The following ATRNL1 variants were observed in gnomAD, a reference collection of about 807,000 sequenced individuals.
ATRNL1 encodes the protein attractin-like protein 1.
A neutral mutation model predicts 182.7 loss-of-function variants in ATRNL1; 95 were observed. The observed-to-expected ratio is 0.52, with a 90% confidence interval of 0.44 to 0.62. The LOEUF is 0.62. ATRNL1 is among the 20% of genes least tolerant of loss of function. The probability of loss-of-function intolerance (pLI) is 0.00; values close to 1 mark genes in which losing one functional copy is unlikely to be tolerated. For missense variants in ATRNL1, 1,471 were observed against 1,679.5 expected (o/e 0.88, Z 2.17); for synonymous variants, 576 against 568.3 (o/e 1.01, Z -0.19).
chr10:115,852,550 T>C (rs2134368552), intron 28 of ATRNL1, among the ~76,000 whole-genome samples: 1 of 152,264 alleles, frequency 6.6e-6, no homozygotes, highest in East Asian at 1.9e-4. Flanking sequence ...TTTTACTATT[T>C]AGAAAACCAA....
At chr10:115,187,340 G>C (rs1287462396) in intron 8 of ATRNL1, among the ~76,000 whole-genome samples, 1 of 152,176 alleles carries the variant, frequency 6.6e-6, no homozygotes, top group South Asian at 2.1e-4. Context: ...CATCTAAAAA[G>C]AGGGATGGAT....
intron 10 of ATRNL1, among the ~76,000 whole-genome samples, chr10:115,258,441 C>T (rs1454961183): frequency 6.6e-6 from 1 of 152,004 alleles, no homozygotes; most frequent in East Asian, 1.9e-4. Context: ...TGAAGTTCTC[C>T]TGTCATGGTT....
intron 8 of ATRNL1, among the ~76,000 whole-genome samples, chr10:115,194,878 C>T (rs1282753986): frequency 6.7e-6 from 1 of 148,680 alleles, no homozygotes. Flanking sequence ...TTGTGGTTAC[C>T]ATGAGGTTTG....
chr10:115,449,503 G>A (rs550229610), intron 21 of ATRNL1, among the ~76,000 whole-genome samples: 38 of 152,248 alleles, frequency 2.5e-4, no homozygotes, highest in Middle Eastern at 3.4e-3. Context: ...AGGAGCCATG[G>A]GTATGGACAC....
chr10:115,458,646 A>G (rs782735903), intron 21 of ATRNL1, among the ~76,000 whole-genome samples: 2 of 152,106 alleles, frequency 1.3e-5, no homozygotes, highest in Non-Finnish European at 2.9e-5. Flanking sequence ...ATAGACAGAA[A>G]AATGTCTGTA....
At chr10:115,292,017 A>T (rs978392004) in intron 15 of ATRNL1, among the ~76,000 whole-genome samples, 1 of 152,022 alleles carries the variant, frequency 6.6e-6, no homozygotes, top group Admixed American at 6.5e-5. Flanking sequence ...GAGACTTTTC[A>T]TCATTCATTC....
chr10:115,764,863 G>A (rs1276684504), intron 27 of ATRNL1, among the ~76,000 whole-genome samples: 9 of 152,046 alleles, frequency 5.9e-5, no homozygotes, highest in African/African-American at 9.7e-5. Context: ...TAGTAGAGAC[G>A]GGGTTTCGCC....
At chr10:115,284,740 T>C (rs1022773664) in intron 14 of ATRNL1, among the ~76,000 whole-genome samples, 1 of 152,166 alleles carries the variant, frequency 6.6e-6, no homozygotes, top group Non-Finnish European at 1.5e-5. Flanking sequence ...GCTATTCCAA[T>C]AGACTGAATG....
intron 5 of ATRNL1, among the ~76,000 whole-genome samples, chr10:115,133,369 G>T (rs1330413754): frequency 6.6e-6 from 1 of 151,772 alleles, no homozygotes; most frequent in African/African-American, 2.4e-5. Context: ...GTAGCAAATG[G>T]AAAACAAAAA....
chr10:115,452,002 C>T (rs1361668288), intron 21 of ATRNL1, among the ~76,000 whole-genome samples: 1 of 152,084 alleles, frequency 6.6e-6, no homozygotes, highest in Non-Finnish European at 1.5e-5. Flanking sequence ...CAAACCAATG[C>T]AGGTACAGAA....
Position 115,445,505 on chromosome 10 carries a change from CCGTG to C in ATRNL1, c.3323-16435_3323-16432del, listed in dbSNP as rs1332269813. ...CCTACTCTGTAAATAACTCATTTGTCCGTGTGTGTGTGTGTGTGTGTGTGTGTGT... is the reference window on the plus strand; with the variant it reads ...CCTACTCTGTAAATAACTCATTTGTCTGTGTGTGTGTGTGTGTGTGTGTGT... On this transcript the variant is annotated intron_variant, in intron 21 of 28. Coordinates refer to ENST00000355044, the MANE Select transcript of ATRNL1 (RefSeq NM_207303.4). 5.8e-5 allele frequency among the ~76,000 whole-genome samples: 5 copies of C among 85,678 alleles called. No homozygotes were observed. In the East Asian group the frequency reaches 1.3e-3, roughly 23 times the overall value. 56.2% of individuals were successfully genotyped at this position (85,678 alleles called of 152,430 possible).
chr10:115,552,783 C>T (rs1554995905), intron 26 of ATRNL1, among the ~76,000 whole-genome samples: 1 of 151,250 alleles, frequency 6.6e-6, no homozygotes, highest in Non-Finnish European at 1.5e-5. Flanking sequence ...ATGACCCCTT[C>T]ATACACTAAC....
chr10:115,468,662 A>G (rs1848170296), intron 23 of ATRNL1, among the ~76,000 whole-genome samples: 1 of 150,876 alleles, frequency 6.6e-6, no homozygotes, highest in Admixed American at 6.6e-5. Context: ...GTGATGGTTC[A>G]ATTTGTGGTA....
intron 17 of ATRNL1, among the ~76,000 whole-genome samples, chr10:115,310,880 C>A (rs909143229): frequency 6.6e-6 from 1 of 151,908 alleles, no homozygotes; most frequent in African/African-American, 2.4e-5. Flanking sequence ...GTTCTTGTTT[C>A]TCTAGTTCTT....
chr10:115,247,343 C>A (rs782145169), intron 10 of ATRNL1, among the ~76,000 whole-genome samples: 1 of 151,974 alleles, frequency 6.6e-6, no homozygotes, highest in East Asian at 1.9e-4. Context: ...ATCCATTTTG[C>A]AAATGTTTAA....
chr10:115,305,238 T>A (rs1424374354), intron 17 of ATRNL1, among the ~76,000 whole-genome samples: 12 of 152,026 alleles, frequency 7.9e-5, no homozygotes, highest in African/African-American at 2.7e-4. Flanking sequence ...CAGTCAAATA[T>A]GTATTTGGTC....
At chr10:115,390,154 TTACTC>T (rs1475368628) in intron 19 of ATRNL1, among the ~76,000 whole-genome samples, 1 of 152,202 alleles carries the variant, frequency 6.6e-6, no homozygotes, top group Non-Finnish European at 1.5e-5. Context: ...GATTGTCTCT[TTACTC>T]TATTGATTAT....
chr10:115,707,708 A>T (rs563011122), intron 26 of ATRNL1, among the ~76,000 whole-genome samples: 10 of 151,828 alleles, frequency 6.6e-5, no homozygotes, highest in African/African-American at 2.4e-4. Flanking sequence ...TGGTCATATG[A>T]TATTTTACCT....
chr10:115,836,862 T>C lies in ATRNL1; in HGVS notation c.3904-11015T>C, dbSNP rs547122599. ...TCCCAGTTGATACCTGTATTTGTGC[T>C]GTGGATCTTTTAATTAACTGCCTTA... is the stretch of plus-strand genomic sequence containing the variant. On this transcript the variant is annotated intron_variant, in intron 27 of 28. Transcript: ENST00000355044. Among the ~76,000 whole-genome samples the C allele has an allele frequency of 1.5e-4, 23 of 152,302 alleles. No individual in the cohort carries two copies. In the South Asian group the frequency reaches 3.5e-3, roughly 23 times the overall value.
Sources: gnomAD v4.1 joint callset for allele counts (sites outside exome capture counted in the v4.1 genomes callset) on GRCh38, gnomAD v4.1.1 for gene constraint, MANE v1.5 for transcripts, NCBI Gene and HGNC (gene_info 2026-07-23, HGNC 2026-07-21) for gene names.